The following RASGRP3 variants were observed in gnomAD, a reference collection of about 807,000 sequenced individuals.
RASGRP3 encodes RAS guanyl releasing protein 3.
RASGRP3 carries 54 observed loss-of-function variants against 82.7 expected under a neutral mutation model. The observed-to-expected ratio is 0.65, with a 90% CI of 0.52 to 0.82. The LOEUF is 0.82. Ranked by LOEUF, RASGRP3 falls within the 40% of genes least tolerant of loss-of-function variation. The pLI, the probability that RASGRP3 is intolerant of heterozygous loss-of-function variation, is 0.00. For missense variants in RASGRP3, 861 were observed against 828.9 expected, an observed-to-expected ratio of 1.04 and a Z score of -0.48; for synonymous variants, 309 against 300.5, an observed-to-expected ratio of 1.03 and a Z score of -0.29.
At chr2:33,512,670 ACACT>A (rs1457605191) in intron 2 of RASGRP3, among the ~76,000 whole-genome samples, 1 of 152,250 alleles carries the variant, frequency 6.6e-6, no homozygotes, top group Non-Finnish European at 1.5e-5. Context: ...GTATCTATAC[ACACT>A]CACATAAATA....
Position 33,463,592 on chromosome 2 carries a change from C to CT in RASGRP3, c.-261+15673dup, listed in dbSNP as rs56748259. 9.6e-3 allele frequency among the ~76,000 whole-genome samples: 672 copies of CT among 69,806 alleles called. 4 individuals are homozygous for CT. The highest frequency in any genetic ancestry group is 0.015 in the Middle Eastern group (2 of 130). The allele number at this position is 69,806 out of a possible 152,430, so 45.8% of individuals were successfully genotyped here. ...GGTAGAAGCTGTCTGCTCCTTCACT[C>CT]TTTTTTTTTTTTTTTTTTTTTTTTG... On this transcript the variant is annotated intron_variant, in intron 2 of 18. Transcript: ENST00000402538.
Position 33,511,746 on chromosome 2 carries a change from C to T in RASGRP3, c.-224C>T, listed in dbSNP as rs1402724808. The T allele has an allele frequency of 1.3e-5, 2 of 152,562 alleles. No individual in the cohort carries two copies. The highest frequency in any genetic ancestry group is 3.9e-4 in the East Asian group (2 of 5,192). 9.5% of individuals were successfully genotyped at this position (152,562 alleles called of 1,614,324 possible). ...TACTTATCATTCAGGTTGAATAAACCAGTTCTACAGACTGCTTCTTCCATG... is the reference window on the plus strand; with the variant it reads ...TACTTATCATTCAGGTTGAATAAACTAGTTCTACAGACTGCTTCTTCCATG... On this transcript the variant is annotated 5_prime_UTR_variant, in exon 2 of 18. Coordinates refer to ENST00000403687, the MANE Select transcript of RASGRP3 (RefSeq NM_001139488.2).
chr2:33,559,992 G>A (rs990522082), intron 17 of RASGRP3, among the ~76,000 whole-genome samples: 2 of 152,110 alleles, frequency 1.3e-5, no homozygotes, highest in African/African-American at 4.8e-5. Context: ...GGTCATACAA[G>A]GTTTATTGTA....
intron 1 of RASGRP3, among the ~76,000 whole-genome samples, chr2:33,439,088 T>C (rs1018197413): frequency 6.6e-6 from 1 of 152,176 alleles, no homozygotes; most frequent in Admixed American, 6.5e-5. Context: ...ATTCAGACAA[T>C]TGGCTTTTGG....
At chr2:33,562,318 A>G (rs1211021592) in intron 17 of RASGRP3, among the ~76,000 whole-genome samples, 2 of 145,374 alleles carry the variant, frequency 1.4e-5, no homozygotes, top group Admixed American at 7.2e-5. Flanking sequence ...CCCTGGCAGG[A>G]CTGCAGTGGT....
At chr2:33,485,580 G>C (rs1397890188) in intron 1 of RASGRP3, among the ~76,000 whole-genome samples, 1 of 152,178 alleles carries the variant, frequency 6.6e-6, no homozygotes, top group African/African-American at 2.4e-5. Flanking sequence ...AGCAGTGACA[G>C]TTTGCTTTAA....
At chr2:33,441,920 G>A (rs616974) in intron 1 of RASGRP3, among the ~76,000 whole-genome samples, 117,188 of 152,050 alleles carry the variant, frequency 0.77, 46,031 homozygotes, top group African/African-American at 0.92. Context: ...ACAGGGAATT[G>A]TTAAATAACA....
At chr2:33,524,939 G>T (rs1672383173) in intron 9 of RASGRP3, among the ~76,000 whole-genome samples, 1 of 151,832 alleles carries the variant, frequency 6.6e-6, no homozygotes, top group Non-Finnish European at 1.5e-5. Flanking sequence ...AAATTAGCCG[G>T]GTGTGGTGGC....
upstream of RASGRP3, chr2:33,476,554 A>G (rs2150925334): frequency 6.6e-6 from 1 of 152,334 alleles, no homozygotes; most frequent in South Asian, 2.1e-4. Context: ...ACCTCCTGGC[A>G]CGGTGGCGGG....
intron 1 of RASGRP3, among the ~76,000 whole-genome samples, chr2:33,506,325 C>T (rs903710669): frequency 6.6e-6 from 1 of 152,178 alleles, no homozygotes; most frequent in African/African-American, 2.4e-5. Flanking sequence ...AGTAGAAAAA[C>T]ATAAATTTTT....
intron 2 of RASGRP3, among the ~76,000 whole-genome samples, chr2:33,469,841 T>G (rs1309973845): frequency 6.6e-6 from 1 of 152,238 alleles, no homozygotes; most frequent in Non-Finnish European, 1.5e-5. Context: ...CATCTTAATT[T>G]TTCCGAATAG....
intron 1 of RASGRP3, among the ~76,000 whole-genome samples, chr2:33,492,404 A>C (rs1668929776): frequency 6.6e-6 from 1 of 152,238 alleles, no homozygotes; most frequent in Admixed American, 6.5e-5. Flanking sequence ...GTGTGATTTC[A>C]GGATTGTATA....
upstream of RASGRP3, among the ~76,000 whole-genome samples, chr2:33,472,923 C>T (rs180676384): frequency 1.4e-3 from 206 of 144,426 alleles, no homozygotes; most frequent in African/African-American, 5.1e-3. Flanking sequence ...TCTTTGGGGA[C>T]TTGGAAAGAG....
At chr2:33,439,283 C>T (rs604788) in intron 1 of RASGRP3, among the ~76,000 whole-genome samples, 30,359 of 152,068 alleles carry the variant, frequency 0.2, 3,938 homozygotes, top group African/African-American at 0.37. Flanking sequence ...AAATTAATGA[C>T]GTAGATAATG....
chr2:33,552,538 C>T (rs940348482), intron 14 of RASGRP3, among the ~76,000 whole-genome samples: 2 of 151,996 alleles, frequency 1.3e-5, no homozygotes, highest in African/African-American at 4.8e-5. Flanking sequence ...ACACTCATGT[C>T]AAAAAGCCCA....
At chr2:33,483,486 ATTTTTTTT>A (rs202150682) in intron 1 of RASGRP3, among the ~76,000 whole-genome samples, 45 of 125,930 alleles carry the variant, frequency 3.6e-4, no homozygotes, top group African/African-American at 1.3e-3. Flanking sequence ...TTTAGCCACT[ATTTTTTTT>A]TTTTTTTTTT....
intron 1 of RASGRP3, among the ~76,000 whole-genome samples, chr2:33,486,840 T>C (rs1399173605): frequency 2.0e-5 from 3 of 152,110 alleles, no homozygotes; most frequent in African/African-American, 7.2e-5. Flanking sequence ...AGATTACATG[T>C]TGGAAGAGGG....
chr2:33,441,719 G>A (rs558645223), intron 1 of RASGRP3, among the ~76,000 whole-genome samples: 3 of 152,282 alleles, frequency 2.0e-5, no homozygotes, highest in Admixed American at 6.5e-5. Flanking sequence ...ATGCACATAC[G>A]TGCCTTTTTA....
chr2:33,441,364 G>A (rs902870819), intron 1 of RASGRP3, among the ~76,000 whole-genome samples: 2 of 152,052 alleles, frequency 1.3e-5, no homozygotes, highest in Non-Finnish European at 1.5e-5. Flanking sequence ...TTTAGAAAAA[G>A]GTTATGCTGA....
Sources: allele counts gnomAD v4.1 joint callset (sites outside exome capture counted in the v4.1 genomes callset), GRCh38; gene constraint gnomAD v4.1.1; transcripts MANE v1.5; gene names NCBI Gene and HGNC (gene_info 2026-07-23, HGNC 2026-07-21).